The following CALB2 variants were observed in gnomAD, a reference collection of about 807,000 sequenced individuals.
CALB2 encodes calbindin 2, also known as calretinin.
Under a neutral mutation model 45.9 loss-of-function variants are expected in CALB2, and 34 were observed. The observed-to-expected ratio is 0.74, with a 90% CI of 0.56 to 0.99. The LOEUF (loss-of-function observed/expected upper bound fraction) is 0.99. CALB2 is among the 50% of genes least tolerant of loss of function. The probability of loss-of-function intolerance (pLI) is 0.00; values close to 1 mark genes in which losing one functional copy is unlikely to be tolerated. For missense variants in CALB2, 344 were observed against 339.3 expected (o/e 1.01, Z -0.11); for synonymous variants, 142 against 129.6 (o/e 1.10, Z -0.65).
Position 71,368,721 on chromosome 16 carries a change from G to T in CALB2, c.95-3432G>T, listed in dbSNP as rs1329979941. Among the ~76,000 whole-genome samples the T allele has an allele frequency of 7.9e-5, 12 of 152,058 alleles. No homozygotes were observed. The East Asian group carries it at 2.3e-3, about 30-fold the overall frequency. The stretch of plus-strand genomic sequence containing the variant: ...CGTGTGTCTGGAAAGATTATGTGTG[G>T]GTTCATTTCCCCCACAGCAACCCAC... On this transcript the variant is annotated intron_variant, in intron 1 of 10. Coordinates refer to ENST00000302628, the MANE Select transcript of CALB2 (RefSeq NM_001740.5).
intron 1 of CALB2, among the ~76,000 whole-genome samples, chr16:71,363,019 A>G (rs879770197): frequency 1.9e-5 from 2 of 103,006 alleles, no homozygotes; most frequent in African/African-American, 7.2e-5. Flanking sequence ...CCCTCCCCCT[A>G]CTACAAATTT....
chr16:71,378,499 C>T (rs2042443938), intron 4 of CALB2, among the ~76,000 whole-genome samples: 1 of 152,024 alleles, frequency 6.6e-6, no homozygotes, highest in Non-Finnish European at 1.5e-5. Context: ...AAGATCACAC[C>T]ACTGCCCTCC....
At chr16:71,367,609 T>C (rs1254223702) in intron 1 of CALB2, among the ~76,000 whole-genome samples, 1 of 152,174 alleles carries the variant, frequency 6.6e-6, no homozygotes, top group Admixed American at 6.5e-5. Flanking sequence ...CCTCACTGTC[T>C]GCCATCAGCT....
chr16:71,384,828 TACG>T lies in CALB2; in HGVS notation c.622_624del (p.Asp208del). 6.2e-7 allele frequency: 1 copy of T among 1,612,528 alleles called. No individual in the cohort carries two copies. The highest frequency in any genetic ancestry group is 1.7e-5 in the Admixed American group (1 of 59,950). The stretch of plus-strand genomic sequence containing the variant: ...GGAGTTTAACGCGATCTTCACATTT[TACG>T]ACAAGGTAAGAGAGGGAGTTGGCAT... On this transcript the variant is annotated inframe_deletion, in exon 9 of 11. Coordinates refer to ENST00000302628, the MANE Select transcript of CALB2 (RefSeq NM_001740.5).
chr16:71,372,121 C>T (rs7203012), intron 1 of CALB2, 32 bp from the exon 2 acceptor site: 528,567 of 1,339,944 alleles, frequency 0.39, 104,130 homozygotes, highest in Admixed American at 0.59. Flanking sequence ...CTATTTAGTG[C>T]TGAGATTGAT....
In CALB2 at chr16:71,389,733, TC is replaced by T; in HGVS notation, c.700-13del. 1.3e-6 allele frequency: 2 copies of T among 1,595,822 alleles called. No homozygotes were observed. Among genetic ancestry groups the T allele is most frequent in the East Asian group, 4.5e-5 (2 of 44,776 alleles). On this transcript the variant is annotated splice_polypyrimidine_tract_variant and intron_variant, in intron 10 of 10. Transcript: ENST00000302628. The stretch of plus-strand genomic sequence containing the variant: ...ATCCCCTGAACCTGCTCTTACCCTC[TC>T]CCTGTATTTCCTAGGAAATGAATAT...
chr16:71,388,793 C>A (rs2042601152), intron 10 of CALB2, among the ~76,000 whole-genome samples: 1 of 149,690 alleles, frequency 6.7e-6, no homozygotes, highest in Non-Finnish European at 1.5e-5. Context: ...CCAGCCTGGC[C>A]AACATGGTGA....
Position 71,377,721 on chromosome 16 carries a change from G to T in CALB2, c.316G>T (p.Val106Leu). ...CTTCCTTCTGTGCTTCAGGCAGCAC[G>T]TGGGCTCCAGCGCCGAGTTTATGGA... ...ENFLLCFRQHVGSSAEFMEAW... is the reference protein window; with the variant it reads ...ENFLLCFRQHLGSSAEFMEAW... Residue 106 changes from valine (V) to leucine (L), a missense_variant, in exon 4 of 11, where the codon GTG becomes TTG. By Grantham distance (32) the Val-to-Leu change is conservative. This residue lies in a region of CALB2 where 263 missense variants were observed against 241.7 expected (regional missense o/e 1.09). Transcript: ENST00000302628. The T allele has an allele frequency of 6.2e-7, 1 of 1,613,968 alleles. No individual in the cohort carries two copies. The highest frequency in any genetic ancestry group is 8.5e-7 in the Non-Finnish European group (1 of 1,179,880).
intron 10 of CALB2, chr16:71,389,507 G>A (rs762245155): frequency 8.9e-6 from 6 of 674,642 alleles, no homozygotes; most frequent in Non-Finnish European, 1.7e-5. Context: ...TTACAGGTGA[G>A]GCAGCTGAGT....
chr16:71,384,445 C>T, intron 8 of CALB2, 67 bp downstream of exon 8: 1 of 1,272,476 alleles, frequency 7.9e-7, no homozygotes, highest in Non-Finnish European at 1.1e-6. Flanking sequence ...CACCCTCCTT[C>T]CCCCAACGCA....
intron 1 of CALB2, among the ~76,000 whole-genome samples, chr16:71,370,526 T>C (rs1037654362): frequency 3.9e-5 from 6 of 152,028 alleles, no homozygotes; most frequent in Non-Finnish European, 8.8e-5. Context: ...CCCAAACAAA[T>C]TGCATCAGAA....
At chr16:71,385,550 C>T in intron 9 of CALB2, 27 bp from the exon 10 acceptor site, 1 of 1,612,246 alleles carries the variant, frequency 6.2e-7, no homozygotes, top group Non-Finnish European at 8.5e-7. Context: ...CTTTAGAGCT[C>T]TGGGTTGACT....
At position 71,374,665 on chromosome 16, in the gene CALB2, G is replaced by A. The variant is rs1480058436; in HGVS notation, c.172-80G>A. ...GCACCCACTTACCCAGGATGCAAATGATTTCCAAGCTTCCTGCTCTGAGAT... is the reference window on the plus strand; with the variant it reads ...GCACCCACTTACCCAGGATGCAAATAATTTCCAAGCTTCCTGCTCTGAGAT... On this transcript the variant is annotated intron_variant, in intron 2 of 10. Coordinates refer to ENST00000302628, the MANE Select transcript of CALB2 (RefSeq NM_001740.5). 3.1e-6 allele frequency: 3 copies of A among 982,956 alleles called. No individual in the cohort carries two copies. In the African/African-American group the frequency reaches 4.8e-5, roughly 16 times the overall value. The allele number at this position is 982,956 out of a possible 1,614,324, so 60.9% of individuals were successfully genotyped here.
intron 1 of CALB2, among the ~76,000 whole-genome samples, chr16:71,363,751 A>G (rs2042255598): frequency 1.3e-5 from 2 of 152,236 alleles, no homozygotes; most frequent in South Asian, 2.1e-4. Flanking sequence ...TATGTGATGT[A>G]TATTAAGTGT....
intron 1 of CALB2, among the ~76,000 whole-genome samples, chr16:71,366,879 A>G (rs1184977439): frequency 6.6e-6 from 1 of 152,200 alleles, no homozygotes; most frequent in Non-Finnish European, 1.5e-5. Flanking sequence ...AGATAAAGAA[A>G]CTGAGGCTCA....
At chr16:71,384,148 C>G in intron 7 of CALB2, 123 bp downstream of exon 7, 2 of 1,172,112 alleles carry the variant, frequency 1.7e-6, no homozygotes, top group Non-Finnish European at 2.6e-6. Flanking sequence ...CAAGACAAAG[C>G]AAGATAGAAT....
At chr16:71,366,195 T>G (rs2042285882) in intron 1 of CALB2, among the ~76,000 whole-genome samples, 1 of 149,782 alleles carries the variant, frequency 6.7e-6, no homozygotes, top group Non-Finnish European at 1.5e-5. Flanking sequence ...CCCGGCTAAT[T>G]TTTTGTATTT....
At chr16:71,373,783 T>A (rs147282069) in intron 2 of CALB2, among the ~76,000 whole-genome samples, 2 of 152,244 alleles carry the variant, frequency 1.3e-5, no homozygotes, top group African/African-American at 4.8e-5. Flanking sequence ...TTAAATAAGA[T>A]GGCCACATTT....
At chr16:71,373,019 G>A (rs947524606) in intron 2 of CALB2, among the ~76,000 whole-genome samples, 5 of 152,176 alleles carry the variant, frequency 3.3e-5, no homozygotes, top group Admixed American at 3.3e-4. Context: ...TGACAGGAGT[G>A]TTGCTTTCCC....
Sources: allele counts gnomAD v4.1 joint callset (sites outside exome capture counted in the v4.1 genomes callset), GRCh38; gene constraint gnomAD v4.1.1; regional missense constraint gnomAD v4.1.1; transcripts MANE v1.5; gene names NCBI Gene and HGNC (gene_info 2026-07-23, HGNC 2026-07-21).